The following NFASC variants were observed in gnomAD, a reference collection of about 807,000 sequenced individuals.
NFASC encodes the protein neurofascin homolog.
In NFASC, 43 loss-of-function variants were observed where a neutral mutation model predicts 147.5. The observed-to-expected ratio is 0.29, with a 90% confidence interval of 0.23 to 0.38. The LOEUF is 0.38. Among genes scored for constraint, NFASC ranks in the 10% least tolerant of loss-of-function variants. NFASC has a pLI of 1.00. For missense variants in NFASC, 1,320 were observed against 1,689.0 expected, an observed-to-expected ratio of 0.78 and a Z score of 3.83; for synonymous variants, 622 against 665.5, an observed-to-expected ratio of 0.93 and a Z score of 1.01.
chr1:205,005,612 A>C (rs2096089838), intron 27 of NFASC, among the ~76,000 whole-genome samples: 1 of 152,226 alleles, frequency 6.6e-6, no homozygotes, highest in Non-Finnish European at 1.5e-5. Context: ...TGACAGTCAA[A>C]TATAATTGCT....
intron 7 of NFASC, among the ~76,000 whole-genome samples, chr1:204,955,718 C>G (rs1358500242): frequency 6.6e-6 from 1 of 152,038 alleles, no homozygotes; most frequent in African/African-American, 2.4e-5. Context: ...GGCTTCCTGT[C>G]CTCCCTCCCT....
chr1:204,900,237 A>G (rs1263277269), intron 1 of NFASC, among the ~76,000 whole-genome samples: 1 of 152,238 alleles, frequency 6.6e-6, no homozygotes, highest in Non-Finnish European at 1.5e-5. Context: ...CATGGTCAAT[A>G]CTGTGCTTGG....
chr1:204,834,316 C>T (rs934477154), intron 1 of NFASC, among the ~76,000 whole-genome samples: 10 of 152,198 alleles, frequency 6.6e-5, no homozygotes, highest in Admixed American at 6.5e-4. Context: ...GCTGCAAGTT[C>T]CTGTCCCACA....
At chr1:204,861,300 A>AG (rs2076652129) in intron 1 of NFASC, among the ~76,000 whole-genome samples, 1 of 151,706 alleles carries the variant, frequency 6.6e-6, no homozygotes, top group Non-Finnish European at 1.5e-5. Flanking sequence ...TGTTGCCCAG[A>AG]TTGGCCTGCA....
In NFASC at chr1:205,017,045, C is replaced by T; in HGVS notation, c.*506C>T. 3.8e-6 allele frequency: 1 copy of T among 259,816 alleles called. No homozygotes were observed. Among genetic ancestry groups the T allele is most frequent in the East Asian group, 9.0e-5 (1 of 11,114 alleles). The allele number at this position is 259,816 out of a possible 1,614,324, so 16.1% of individuals were successfully genotyped here. On this transcript the variant is annotated 3_prime_UTR_variant, in exon 30 of 30. Transcript: ENST00000339876. ...CAAAGATAGGCAAAAAGGATTGAAT[C>T]CATACCAGAACACGTAGACAGGCTG...
At chr1:204,993,841 C>G (rs1436201723) in intron 24 of NFASC, 1 of 507,916 alleles carries the variant, frequency 2.0e-6, no homozygotes. Flanking sequence ...CTATCCTCTC[C>G]TCCACCTCAG....
chr1:204,913,758 T>G (rs1037961793), intron 1 of NFASC, among the ~76,000 whole-genome samples: 7 of 151,748 alleles, frequency 4.6e-5, no homozygotes, highest in African/African-American at 1.5e-4. Context: ...GTGGGCCCAG[T>G]GCTTGTGGTC....
rs1201596442 is a variant in NFASC at position 205,009,547 on chromosome 1, T to C, written c.3290-10T>C. 6.2e-7 allele frequency: 1 copy of C among 1,613,634 alleles called. No homozygotes were observed. Among genetic ancestry groups the C allele is most frequent in the East Asian group, 2.2e-5 (1 of 44,866 alleles). On this transcript the variant is annotated splice_polypyrimidine_tract_variant and intron_variant, in intron 27 of 29. Transcript: ENST00000339876. ...TCATTCACGGGTTTGCTTCCGGCCCTCCCCGCCAGCTTACACCAACAACCA... is the reference window on the plus strand; with the variant it reads ...TCATTCACGGGTTTGCTTCCGGCCCCCCCCGCCAGCTTACACCAACAACCA...
chr1:204,834,976 C>T (rs573442933), intron 1 of NFASC, among the ~76,000 whole-genome samples: 1 of 152,096 alleles, frequency 6.6e-6, no homozygotes, highest in Non-Finnish European at 1.5e-5. Flanking sequence ...TCTAATTATT[C>T]TCATCATCAT....
At chr1:205,011,995 C>G (rs2096262914) in intron 28 of NFASC, among the ~76,000 whole-genome samples, 1 of 152,200 alleles carries the variant, frequency 6.6e-6, no homozygotes, top group South Asian at 2.1e-4. Context: ...ATGAGAATCG[C>G]TTGAACCCGG....
rs761839791 is a variant in NFASC, at chr1:204,981,705, A to T, written c.2248-93A>T. On this transcript the variant is annotated intron_variant, in intron 20 of 29. Coordinates refer to ENST00000339876, the MANE Select transcript of NFASC (RefSeq NM_001005388.3). ...GCAGGCCAGTGTTGGGCACATCTGG[A>T]AGGGATGCCTGGCACAGCAAGAGAG... 2.3e-4 allele frequency: 179 copies of T among 786,292 alleles called. 1 individual carries two copies. The highest frequency in any genetic ancestry group is 3.2e-4 in the Non-Finnish European group (158 of 500,012). The allele number at this position is 786,292 out of a possible 1,614,324, so 48.7% of individuals were successfully genotyped here.
intron 1 of NFASC, among the ~76,000 whole-genome samples, chr1:204,867,297 A>G (rs1362454180): frequency 6.6e-6 from 1 of 152,076 alleles, no homozygotes; most frequent in African/African-American, 2.4e-5. Context: ...CAATACCCAT[A>G]TCCAGATAGG....
intron 1 of NFASC, among the ~76,000 whole-genome samples, chr1:204,904,008 T>C (rs1020607009): frequency 1.3e-5 from 2 of 152,252 alleles, no homozygotes; most frequent in Admixed American, 6.5e-5. Flanking sequence ...GGTTTGATTT[T>C]GGCTTTGCCA....
rs765933023 is a variant in NFASC, at chr1:204,988,618, C to CCT, written c.2594-7_2594-6dup. 2 of 1,612,220 alleles carry CCT rather than the reference C, an allele frequency of 1.2e-6. No homozygotes were observed. The highest frequency in any genetic ancestry group is 1.1e-5 in the South Asian group (1 of 91,030). ...TGTTGCTAAAGTTTAATTCCACTTA[C>CCT]CTCTCTCTCCCCAGTTAACGGGACC... On this transcript the variant is annotated splice_polypyrimidine_tract_variant and intron_variant, in intron 22 of 29. Coordinates refer to ENST00000339876, the MANE Select transcript of NFASC (RefSeq NM_001005388.3).
At chr1:204,928,418 G>A (rs2149538253) in intron 2 of NFASC, among the ~76,000 whole-genome samples, 1 of 152,274 alleles carries the variant, frequency 6.6e-6, no homozygotes, top group South Asian at 2.1e-4. Context: ...TCTGTGTGGT[G>A]TGGGTGTCAA....
rs1408036416 is a variant in NFASC at position 205,010,023 on chromosome 1, G to A, written c.3421+335G>A. 1.1e-5 allele frequency: 3 copies of A among 275,038 alleles called. No individual in the cohort carries two copies. The highest frequency in any genetic ancestry group is 2.1e-5 in the Non-Finnish European group (3 of 142,478). 17.0% of individuals were successfully genotyped at this position (275,038 alleles called of 1,614,324 possible). A position where few individuals can be genotyped will look rare whatever the true frequency, so the allele number is the denominator to read the frequency against. ...CTTTTTTTCAGCCTGAATCTCATTAGGATCCTGTGTCCCAGGGAAGGAGAA... is the reference window on the plus strand; with the variant it reads ...CTTTTTTTCAGCCTGAATCTCATTAAGATCCTGTGTCCCAGGGAAGGAGAA... On this transcript the variant is annotated intron_variant, in intron 28 of 29. Coordinates refer to ENST00000339876, the MANE Select transcript of NFASC (RefSeq NM_001005388.3). The surrounding 1 kb of genome is among the most constrained non-coding windows in gnomAD (Gnocchi z 4.1).
chr1:204,874,354 G>A (rs1221180925), intron 1 of NFASC, among the ~76,000 whole-genome samples: 1 of 152,250 alleles, frequency 6.6e-6, no homozygotes, highest in Non-Finnish European at 1.5e-5. Flanking sequence ...CCCCTGGGCT[G>A]CCTTTCGCCC....
Position 204,979,093 on chromosome 1 carries a change from A to G in NFASC, c.1978+24A>G. 6.5e-7 allele frequency: 1 copy of G among 1,530,798 alleles called. No homozygotes were observed. 94.8% of individuals were successfully genotyped at this position (1,530,798 alleles called of 1,614,324 possible). ...AGGTAGCTCAGGGCCTTGCACCCCA[A>G]AGCTGGAAAAGAGGGACGGCAACAC... is the stretch of plus-strand genomic sequence containing the variant. On this transcript the variant is annotated intron_variant, in intron 18 of 29. Coordinates refer to ENST00000339876, the MANE Select transcript of NFASC (RefSeq NM_001005388.3). The surrounding 1 kb of genome is among the most constrained non-coding windows in gnomAD (Gnocchi z 6.0).
chr1:204,939,038 A>ATGGATGTGTGTGTGTGTGTGTGTGTG (rs1553266033), intron 2 of NFASC, among the ~76,000 whole-genome samples: 7 of 123,670 alleles, frequency 5.7e-5, no homozygotes, highest in Admixed American at 3.2e-4. Context: ...GTATGGATGG[A>ATGGATGTGTGTGTGTGTGTGTGTGTG]TGTGTGTGTG....
Sources: gnomAD v4.1 joint callset for allele counts (sites outside exome capture counted in the v4.1 genomes callset) on GRCh38, gnomAD v4.1.1 for gene constraint, Gnocchi (gnomAD v3.1) non-coding constraint, MANE v1.5 for transcripts, NCBI Gene and HGNC (gene_info 2026-07-23, HGNC 2026-07-21) for gene names.